The following THRB variants were observed in gnomAD, a reference collection of about 807,000 sequenced individuals.
THRB encodes the protein thyroid hormone receptor beta.
Under a neutral mutation model 47.8 loss-of-function variants are expected in THRB, and 12 were observed. The ratio of observed to expected loss-of-function variants is 0.25; its 90% CI spans 0.16 to 0.41. The LOEUF (loss-of-function observed/expected upper bound fraction) is 0.41, where lower values mean the gene tolerates loss of function less well. THRB is among the 10% of genes least tolerant of loss of function. The probability of loss-of-function intolerance (pLI) is 1.00; values close to 1 mark genes in which losing one functional copy is unlikely to be tolerated. For synonymous variants in THRB, 218 were observed against 212.2 expected (o/e 1.03, Z -0.24); for missense variants, 348 against 589.2 (o/e 0.59, Z 4.24).
At chr3:24,304,993 G>A (rs1452303735) in intron 2 of THRB, among the ~76,000 whole-genome samples, 1 of 152,172 alleles carries the variant, frequency 6.6e-6, no homozygotes, top group Non-Finnish European at 1.5e-5. Flanking sequence ...GTGATTAAAA[G>A]TCTATCATTT....
Position 24,233,587 on chromosome 3 carries a change from G to GAAAGAAAGAAAGAAAAAT in THRB, c.-42-4587_-42-4586insATTTTTCTTTCTTTCTTT, listed in dbSNP as rs1559684092. Among the ~76,000 whole-genome samples the GAAAGAAAGAAAGAAAAAT allele has an allele frequency of 2.1e-3, 231 of 112,128 alleles. 4 individuals are homozygous for GAAAGAAAGAAAGAAAAAT. The East Asian group carries it at 0.037, about 18-fold the overall frequency. The allele number at this position is 112,128 out of a possible 152,430, so 73.6% of individuals were successfully genotyped here. A position where few individuals can be genotyped will look rare whatever the true frequency, so the allele number is the denominator to read the frequency against. ...AGAAAGAAAGAAAGAAAGAAAGAAA[G>GAAAGAAAGAAAGAAAAAT]AAAGAAAGAAAGAAAGAAAGAAAGA... On this transcript the variant is annotated intron_variant, in intron 3 of 10. Coordinates refer to ENST00000646209, the MANE Select transcript of THRB (RefSeq NM_001354712.2).
At chr3:24,420,030 T>C (rs1178245294) in intron 1 of THRB, among the ~76,000 whole-genome samples, 1 of 151,912 alleles carries the variant, frequency 6.6e-6, no homozygotes, top group African/African-American at 2.4e-5. Context: ...CCTGTTTATC[T>C]ATAAAGCGAT....
chr3:24,439,736 A>G (rs1428917938), intron 1 of THRB, among the ~76,000 whole-genome samples: 2 of 152,206 alleles, frequency 1.3e-5, no homozygotes, highest in African/African-American at 2.4e-5. Context: ...TATCATTTCC[A>G]TTCACCAAAG....
intron 3 of THRB, among the ~76,000 whole-genome samples, chr3:24,248,934 G>A (rs1460952007): frequency 6.6e-6 from 1 of 152,086 alleles, no homozygotes; most frequent in Non-Finnish European, 1.5e-5. Context: ...GTGCTTTAGT[G>A]CTCCAATTCC....
rs114081984 is a variant in THRB at position 24,441,810 on chromosome 3, A to G, written c.-261+52842T>C. Among the ~76,000 whole-genome samples, 676 of 152,278 alleles carry G rather than the reference A, an allele frequency of 4.4e-3. 4 individuals carry two copies. Among genetic ancestry groups the G allele is most frequent in the African/African-American group, 0.015 (638 of 41,548 alleles). ...ATTAGAGACTCCTTCCAAAACAGAAAACCCTATCTCACTCTAGTCTCCCCA... is the reference window on the plus strand; with the variant it reads ...ATTAGAGACTCCTTCCAAAACAGAAGACCCTATCTCACTCTAGTCTCCCCA... On this transcript the variant is annotated intron_variant, in intron 1 of 10. Coordinates refer to ENST00000646209, the MANE Select transcript of THRB (RefSeq NM_001354712.2).
intron 1 of THRB, among the ~76,000 whole-genome samples, chr3:24,465,979 T>G (rs566149678): frequency 6.6e-6 from 1 of 152,140 alleles, no homozygotes; most frequent in African/African-American, 2.4e-5. Context: ...TCTAAGCTCT[T>G]TATTTATGAG....
At chr3:24,404,446 T>C (rs969926568) in intron 1 of THRB, among the ~76,000 whole-genome samples, 7 of 151,930 alleles carry the variant, frequency 4.6e-5, no homozygotes, top group African/African-American at 1.7e-4. Context: ...CATAACTGTT[T>C]GCGGATTAAT....
Position 24,254,488 on chromosome 3 carries a change from A to C in THRB, c.-42-25487T>G, listed in dbSNP as rs10510542. Among the ~76,000 whole-genome samples, 966 of 152,270 alleles carry C rather than the reference A, an allele frequency of 6.3e-3. 13 individuals carry two copies. The highest frequency in any genetic ancestry group is 0.022 in the African/African-American group (921 of 41,558). Reference sequence around the variant, plus strand: ...TTGGCCTTAAAGGTAGTCCCAAAAGAGTGGCTGCAAATATTTAGAGTAAGA... The same window carrying C: ...TTGGCCTTAAAGGTAGTCCCAAAAGCGTGGCTGCAAATATTTAGAGTAAGA... On this transcript the variant is annotated intron_variant, in intron 3 of 10. Transcript: ENST00000646209.
intron 4 of THRB, among the ~76,000 whole-genome samples, chr3:24,221,298 T>G (rs1202673240): frequency 6.6e-6 from 1 of 152,208 alleles, no homozygotes; most frequent in African/African-American, 2.4e-5. Context: ...CACCTATATA[T>G]GTGCAACTGC....
chr3:24,194,448 G>A (rs2043727817), intron 4 of THRB, among the ~76,000 whole-genome samples: 1 of 152,020 alleles, frequency 6.6e-6, no homozygotes, highest in South Asian at 2.1e-4. Context: ...CTAACATCTG[G>A]CTTTCAATAC....
chr3:24,246,830 G>A (rs1395407027), intron 3 of THRB, among the ~76,000 whole-genome samples: 1 of 152,134 alleles, frequency 6.6e-6, no homozygotes, highest in African/African-American at 2.4e-5. Context: ...CCCACTTAAT[G>A]ACTAATTTTT....
intron 1 of THRB, among the ~76,000 whole-genome samples, chr3:24,355,796 G>C (rs923064786): frequency 6.6e-6 from 1 of 152,170 alleles, no homozygotes; most frequent in African/African-American, 2.4e-5. Context: ...AGGGTCATCT[G>C]TGGGTCTGGA....
intron 4 of THRB, among the ~76,000 whole-genome samples, chr3:24,222,238 G>T (rs1427327153): frequency 6.6e-6 from 1 of 152,076 alleles, no homozygotes; most frequent in Non-Finnish European, 1.5e-5. Flanking sequence ...CTACCAATTT[G>T]TGTGTGACAG....
intron 1 of THRB, among the ~76,000 whole-genome samples, chr3:24,358,459 T>C (rs2063838868): frequency 6.6e-6 from 1 of 152,190 alleles, no homozygotes; most frequent in South Asian, 2.1e-4. Flanking sequence ...GCATAAGTAG[T>C]AGCTGTGTAT....
At chr3:24,192,075 G>C (rs1480903145) in intron 4 of THRB, among the ~76,000 whole-genome samples, 1 of 152,142 alleles carries the variant, frequency 6.6e-6, no homozygotes, top group Non-Finnish European at 1.5e-5. Context: ...ATTATTCATT[G>C]CATGGTAAAT....
At chr3:24,308,365 A>T (rs550924821) in intron 2 of THRB, among the ~76,000 whole-genome samples, 1 of 152,290 alleles carries the variant, frequency 6.6e-6, no homozygotes, top group East Asian at 1.9e-4. Flanking sequence ...TAACAATACA[A>T]GGTTAGGGTG....
At chr3:24,157,573 G>A (rs750214693) in intron 5 of THRB, among the ~76,000 whole-genome samples, 7 of 152,010 alleles carry the variant, frequency 4.6e-5, no homozygotes, top group South Asian at 2.1e-4. Context: ...TCTGTCACCC[G>A]GACTGGAGTG....
intron 1 of THRB, among the ~76,000 whole-genome samples, chr3:24,415,581 C>T (rs2068668553): frequency 6.6e-6 from 1 of 151,794 alleles, no homozygotes; most frequent in South Asian, 2.1e-4. Flanking sequence ...TTGTTAAGGA[C>T]TGTTACTGAA....
intron 1 of THRB, among the ~76,000 whole-genome samples, chr3:24,433,099 T>C (rs1577525935): frequency 6.6e-6 from 1 of 152,138 alleles, no homozygotes; most frequent in Non-Finnish European, 1.5e-5. Context: ...AATAACTACC[T>C]AACTCTGTGG....
Sources: gnomAD v4.1 joint callset for allele counts (sites outside exome capture counted in the v4.1 genomes callset) on GRCh38, gnomAD v4.1.1 for gene constraint, MANE v1.5 for transcripts, NCBI Gene and HGNC (gene_info 2026-07-23, HGNC 2026-07-21) for gene names.